RAP1GAP: variants seen among roughly 807,000 people sequenced by gnomAD.
RAP1GAP encodes rap1 GTPase-activating protein 1.
In RAP1GAP, 35 loss-of-function variants were observed where a neutral mutation model predicts 87.2. The observed-to-expected ratio is 0.40, with a 90% CI of 0.31 to 0.53. The LOEUF is 0.53. Among genes scored for constraint, RAP1GAP ranks in the 20% least tolerant of loss-of-function variants. The pLI is 0.48. For synonymous variants in RAP1GAP, 375 were observed against 363.9 expected (o/e 1.03, Z -0.35); for missense variants, 734 against 898.9 (o/e 0.82, Z 2.35).
intron 20 of RAP1GAP, among the ~76,000 whole-genome samples, chr1:21,599,854 C>T (rs1416889362): frequency 6.6e-6 from 1 of 152,214 alleles, no homozygotes; most frequent in Non-Finnish European, 1.5e-5. Context: ...TGCTCAAAAC[C>T]CTCTCCTGGC....
intron 2 of RAP1GAP, among the ~76,000 whole-genome samples, chr1:21,635,268 A>G (rs2094499784): frequency 1.3e-5 from 2 of 151,952 alleles, no homozygotes; most frequent in South Asian, 4.2e-4. Context: ...CACTCCCTAC[A>G]TTGACCTCAT....
chr1:21,634,063 G>C lies in RAP1GAP; in HGVS notation c.-112-7666C>G, dbSNP rs1396649071. On this transcript the variant is annotated intron_variant, in intron 2 of 24. Coordinates refer to ENST00000374765, the MANE Select transcript of RAP1GAP (RefSeq NM_002885.4). This position sits in a 1 kb window ranked among gnomAD's most constrained non-coding sequence, Gnocchi z 4.1. ...GCCCCAGAACTGCCCCCTCCCGGGG[G>C]GGGGGGGGGGCCACAGAAGCCCATT... Among the ~76,000 whole-genome samples, 7 of 25,254 alleles carry C rather than the reference G, an allele frequency of 2.8e-4. No homozygotes were observed. The highest frequency in any genetic ancestry group is 1.1e-3 in the Non-Finnish European group (6 of 5,424). The allele number at this position is 25,254 out of a possible 152,430, so 16.6% of individuals were successfully genotyped here.
intron 2 of RAP1GAP, among the ~76,000 whole-genome samples, chr1:21,645,063 G>C (rs1466125837): frequency 6.6e-6 from 1 of 152,130 alleles, no homozygotes; most frequent in East Asian, 1.9e-4. Context: ...CCCAAACCAA[G>C]CTCTCTGAGT....
Position 21,632,177 on chromosome 1 carries a change from C to T in RAP1GAP, c.-112-5780G>A, listed in dbSNP as rs549604022. Among the ~76,000 whole-genome samples the T allele has an allele frequency of 2.5e-4, 38 of 152,278 alleles. 1 individual carries two copies. The highest frequency in any genetic ancestry group is 2.4e-3 in the Admixed American group (37 of 15,304). ...ATCTCTCCCTCTCGGGGAGAGCACC[C>T]ATCTTTTCCAGGGAAAGGGTGAAGC... On this transcript the variant is annotated intron_variant, in intron 2 of 24. Transcript: ENST00000374765.
chr1:21,627,170 C>G (rs1249974111), intron 2 of RAP1GAP, among the ~76,000 whole-genome samples: 1 of 152,206 alleles, frequency 6.6e-6, no homozygotes, highest in Non-Finnish European at 1.5e-5. Flanking sequence ...TCCCGGGATC[C>G]TGGGGCTGGG....
At chr1:21,601,538 G>T in intron 20 of RAP1GAP, 146 bp downstream of exon 20, 1 of 520,658 alleles carries the variant, frequency 1.9e-6, no homozygotes, top group Non-Finnish European at 3.3e-6. Context: ...ATATGTCAAA[G>T]GAGGGCCCCA....
chr1:21,612,093 A>C lies in RAP1GAP; in HGVS notation c.545T>G (p.Val182Gly). The C allele has an allele frequency of 6.4e-7, 1 of 1,552,848 alleles. No homozygotes were observed. The highest frequency in any genetic ancestry group is 8.7e-7 in the Non-Finnish European group (1 of 1,147,438). ...GCTGATGACATGCTCGTCAAAGGTG[A>C]CGATGAGCCGGGAAGCCTGCAGGAG... ...VLYPKASRLI[V>G]TFDEHVISNN... The change falls in exon 11 of 25, where the codon GTC (valine) becomes GGC (glycine). Residue 182 changes from valine (V) to glycine (G), a missense_variant. Coordinates refer to ENST00000374765, the MANE Select transcript of RAP1GAP (RefSeq NM_002885.4).
intron 20 of RAP1GAP, among the ~76,000 whole-genome samples, chr1:21,601,367 C>G (rs550550324): frequency 6.6e-6 from 1 of 152,238 alleles, no homozygotes; most frequent in African/African-American, 2.4e-5. Flanking sequence ...CTTCATCCCC[C>G]CAACCCTGCT....
Position 21,617,404 on chromosome 1 carries a change from T to C in RAP1GAP, c.193A>G (p.Ser65Gly), listed in dbSNP as rs1178719125. ...TGCAGTGGCTCTGTCTCGGGGATGCTGGTGATTTCGTGGTTGGTGCCCTCA... is the reference window on the plus strand; with the variant it reads ...TGCAGTGGCTCTGTCTCGGGGATGCCGGTGATTTCGTGGTTGGTGCCCTCA... ...WIEGTNHEIT[S>G]IPETEPLQSP... The change falls in exon 7 of 25, where the codon AGC becomes GGC. Residue 65 changes from serine (S) to glycine (G), a missense_variant. This residue lies in a region of RAP1GAP where 485 missense variants were observed against 646.2 expected (regional missense o/e 0.75). Coordinates refer to ENST00000374765, the MANE Select transcript of RAP1GAP (RefSeq NM_002885.4). The C allele has an allele frequency of 3.7e-6, 6 of 1,604,640 alleles. No homozygotes were observed. The highest frequency in any genetic ancestry group is 1.1e-5 in the South Asian group (1 of 88,886).
chr1:21,611,396 A>G, intron 13 of RAP1GAP, 56 bp downstream of exon 13: 1 of 1,568,156 alleles, frequency 6.4e-7, no homozygotes, highest in South Asian at 1.2e-5. Flanking sequence ...CTGAACAGAC[A>G]GGTGGAGGGG....
intron 2 of RAP1GAP, among the ~76,000 whole-genome samples, chr1:21,643,347 C>T (rs544485955): frequency 6.6e-5 from 10 of 152,024 alleles, no homozygotes; most frequent in Non-Finnish European, 1.0e-4. Flanking sequence ...ATCATGAGGT[C>T]AGGAGTTCGA....
intron 2 of RAP1GAP, among the ~76,000 whole-genome samples, chr1:21,637,972 C>CAAAA (rs35411110): frequency 1.6e-4 from 11 of 70,118 alleles, no homozygotes; most frequent in South Asian, 5.5e-4. Context: ...CCATCTCTAC[C>CAAAA]AAAAAAAAAA....
intron 2 of RAP1GAP, among the ~76,000 whole-genome samples, chr1:21,633,862 T>C (rs1352032051): frequency 6.6e-6 from 1 of 151,908 alleles, no homozygotes; most frequent in Non-Finnish European, 1.5e-5. Flanking sequence ...ACCACCCATG[T>C]GGGGTGGAGG....
Position 21,602,711 on chromosome 1 carries a change from CG to C in RAP1GAP, c.1538+92del. On this transcript the variant is annotated intron_variant, in intron 19 of 24. Transcript: ENST00000374765. ...TAGTGGGGATGGAGAGGCAGAGGGG[CG>C]GGCACTCCCTTCTGCCTGCCTTGCT... 9 of 1,092,528 alleles carry C rather than the reference CG, an allele frequency of 8.2e-6. No individual in the cohort carries two copies. In the South Asian group the frequency reaches 1.4e-4, roughly 17 times the overall value. The allele number at this position is 1,092,528 out of a possible 1,614,324, so 67.7% of individuals were successfully genotyped here.
chr1:21,629,793 G>A (rs183692518), intron 2 of RAP1GAP, among the ~76,000 whole-genome samples: 3 of 152,298 alleles, frequency 2.0e-5, no homozygotes, highest in Admixed American at 1.3e-4. Flanking sequence ...CTTTCCACAC[G>A]AAGCTCAGAA....
chr1:21,619,127 C>T, intron 4 of RAP1GAP, 55 bp from the exon 5 acceptor site: 1 of 1,531,084 alleles, frequency 6.5e-7, no homozygotes, highest in Non-Finnish European at 8.9e-7. Flanking sequence ...CAGGCGCTGC[C>T]TCCCCTCCCC....
chr1:21,637,297 C>T (rs2094912960), intron 2 of RAP1GAP, among the ~76,000 whole-genome samples: 1 of 148,500 alleles, frequency 6.7e-6, no homozygotes, highest in Non-Finnish European at 1.5e-5. Flanking sequence ...GCTGGGACCA[C>T]AGGTGCATGC....
At chr1:21,667,481 A>C (rs1424295124) in intron 1 of RAP1GAP, 1 of 152,268 alleles carries the variant, frequency 6.6e-6, no homozygotes, top group Admixed American at 6.5e-5. Context: ...GGGTGAAAGC[A>C]CCATTATGGT....
chr1:21,633,207 C>T (rs1031320829), intron 2 of RAP1GAP, among the ~76,000 whole-genome samples: 2 of 152,152 alleles, frequency 1.3e-5, no homozygotes, highest in Non-Finnish European at 2.9e-5. Context: ...GGCCCTTTGG[C>T]CCCCCGGAGA....
Sources: allele counts gnomAD v4.1 joint callset (sites outside exome capture counted in the v4.1 genomes callset), GRCh38; gene constraint gnomAD v4.1.1; regional missense constraint gnomAD v4.1.1; non-coding constraint Gnocchi (gnomAD v3.1); transcripts MANE v1.5; gene names NCBI Gene and HGNC (gene_info 2026-07-23, HGNC 2026-07-21).